Variants in SMPX observed in about 807,000 individuals in gnomAD.
The protein encoded by SMPX is small muscular protein.
Under a neutral mutation model 6.3 loss-of-function variants are expected in SMPX, and 2 were observed. The observed-to-expected ratio is 0.32, with a 90% CI of 0.13 to 0.99. The LOEUF is 0.99. Among genes scored for constraint, SMPX ranks in the 50% least tolerant of loss-of-function variants. The probability of loss-of-function intolerance (pLI) is 0.49; values close to 1 mark genes in which losing one functional copy is unlikely to be tolerated. For synonymous variants in SMPX, 32 were observed against 24.7 expected (o/e 1.30, Z -0.88); for missense variants, 60 against 66.8 (o/e 0.90, Z 0.36).
intron 4 of SMPX, among the ~76,000 whole-genome samples, chrX:21,715,368 G>A (rs1446058580): frequency 9.1e-6 from 1 of 109,982 alleles, no homozygotes; most frequent in East Asian, 2.9e-4. Flanking sequence ...GTGTTCAAAC[G>A]TGGCTGCACA....
intron 4 of SMPX, among the ~76,000 whole-genome samples, chrX:21,708,069 GTTTTCCATTAGTCT>G (rs1466199676): frequency 8.9e-6 from 1 of 112,735 alleles, no homozygotes; most frequent in African/African-American, 3.2e-5. Flanking sequence ...TTACACATTT[GTTTTCCATTAGTCT>G]TTGGTGTCAT....
chrX:21,715,299 TGTGTGC>T (rs1202579905), intron 4 of SMPX, among the ~76,000 whole-genome samples: 17 of 89,572 alleles, frequency 1.9e-4, no homozygotes, highest in Middle Eastern at 0.011. Flanking sequence ...TGTGTGTGTG[TGTGTGC>T]GCGCACGCGC....
At chrX:21,714,264 G>A (rs1163463555) in intron 4 of SMPX, among the ~76,000 whole-genome samples, 2 of 111,937 alleles carry the variant, frequency 1.8e-5, no homozygotes, top group Admixed American at 9.5e-5. Flanking sequence ...AATATATAGT[G>A]TGTGTGTTAG....
At chrX:21,738,981 G>A (rs776057769) in intron 3 of SMPX, among the ~76,000 whole-genome samples, 52 of 111,332 alleles carry the variant, frequency 4.7e-4, no homozygotes, top group Non-Finnish European at 9.2e-4. Context: ...GACTGGCGCA[G>A]ATCTCCATCT....
chrX:21,749,376 T>C (rs2092824988), intron 2 of SMPX, among the ~76,000 whole-genome samples: 1 of 112,214 alleles, frequency 8.9e-6, no homozygotes, highest in Admixed American at 9.4e-5. Flanking sequence ...ATCAGCTTCT[T>C]CACTGAAATG....
chrX:21,711,679 A>G (rs929182760), intron 4 of SMPX, among the ~76,000 whole-genome samples: 2 of 111,658 alleles, frequency 1.8e-5, no homozygotes, highest in African/African-American at 6.5e-5. Context: ...CCCCACTTAC[A>G]TCATGTGGGA....
chrX:21,715,592 C>G (rs2092784250), intron 4 of SMPX, among the ~76,000 whole-genome samples: 1 of 111,105 alleles, frequency 9.0e-6, no homozygotes, highest in South Asian at 3.8e-4. Context: ...CAGATTCTGA[C>G]TCAGGAGGTC....
chrX:21,707,477 T>A (rs931898203), intron 4 of SMPX, among the ~76,000 whole-genome samples: 1 of 112,079 alleles, frequency 8.9e-6, no homozygotes, highest in African/African-American at 3.2e-5. Flanking sequence ...ATTGTTAGTC[T>A]TATGATTATG....
At chrX:21,712,360 C>A (rs1039022648) in intron 4 of SMPX, among the ~76,000 whole-genome samples, 3 of 111,945 alleles carry the variant, frequency 2.7e-5, no homozygotes, top group Non-Finnish European at 5.6e-5. Flanking sequence ...CACCTGAAAT[C>A]CAGATTAAAG....
chrX:21,716,845 G>A (rs184377637), intron 4 of SMPX, among the ~76,000 whole-genome samples: 39 of 111,790 alleles, frequency 3.5e-4, no homozygotes, highest in South Asian at 3.8e-4. Flanking sequence ...GAGGTAAAAC[G>A]TCTCTAGGAT....
At chrX:21,719,859 T>C (rs1000253687) in intron 4 of SMPX, among the ~76,000 whole-genome samples, 1 of 112,391 alleles carries the variant, frequency 8.9e-6, no homozygotes, top group African/African-American at 3.2e-5. Flanking sequence ...GGAAATAATC[T>C]TCCTAATCTC....
intron 1 of SMPX, among the ~76,000 whole-genome samples, chrX:21,756,461 A>G (rs779629534): frequency 4.5e-5 from 5 of 112,270 alleles, no homozygotes; most frequent in South Asian, 7.5e-4. Flanking sequence ...ATGCATGTCA[A>G]TCTTTGAAAG....
At chrX:21,756,387 A>G (rs1227240208) in intron 1 of SMPX, among the ~76,000 whole-genome samples, 1 of 112,272 alleles carries the variant, frequency 8.9e-6, no homozygotes, top group Non-Finnish European at 1.9e-5. Context: ...CTGAGCCTCA[A>G]GAATGGATGG....
chrX:21,718,491 G>A (rs2092787864), intron 4 of SMPX, among the ~76,000 whole-genome samples: 1 of 112,118 alleles, frequency 8.9e-6, no homozygotes, highest in African/African-American at 3.2e-5. Flanking sequence ...ATTACTTTGA[G>A]CAGTAAATCC....
intron 4 of SMPX, among the ~76,000 whole-genome samples, chrX:21,719,553 A>AAAG (rs1173743481): frequency 1.8e-5 from 2 of 110,713 alleles, no homozygotes; most frequent in African/African-American, 6.6e-5. Flanking sequence ...AGAAAGAAAG[A>AAAG]AAGAAAGAAA....
At chrX:21,747,386 T>G (rs1255746039) in intron 2 of SMPX, among the ~76,000 whole-genome samples, 1 of 111,713 alleles carries the variant, frequency 9.0e-6, no homozygotes, top group Non-Finnish European at 1.9e-5. Context: ...TAGATCATCT[T>G]TTGCCGGAAT....
intron 4 of SMPX, among the ~76,000 whole-genome samples, chrX:21,731,563 T>TA (rs1491489232): frequency 7.2e-5 from 3 of 41,760 alleles, no homozygotes; most frequent in African/African-American, 6.3e-5. Context: ...ATATACACAT[T>TA]ATGTGTATAT....
intron 4 of SMPX, among the ~76,000 whole-genome samples, chrX:21,719,782 T>A (rs139482599): frequency 0.02 from 2,290 of 112,084 alleles, 47 homozygotes; most frequent in African/African-American, 0.07. Flanking sequence ...GCTCACACTA[T>A]GCACTGTGCT....
intron 4 of SMPX, among the ~76,000 whole-genome samples, chrX:21,731,329 G>A (rs1234328346): frequency 1.9e-5 from 2 of 105,182 alleles, no homozygotes; most frequent in African/African-American, 3.5e-5. Flanking sequence ...CACTTGAGAA[G>A]AATGTGTACA....
Sources: gnomAD v4.1 joint callset for allele counts (sites outside exome capture counted in the v4.1 genomes callset) on GRCh38, gnomAD v4.1.1 for gene constraint, MANE v1.5 for transcripts, NCBI Gene and HGNC (gene_info 2026-07-23, HGNC 2026-07-21) for gene names.